The following PREX1 variants were observed in gnomAD, a reference collection of about 807,000 sequenced individuals.
The protein encoded by PREX1 is phosphatidylinositol 3,4,5-trisphosphate-dependent Rac exchanger 1 protein.
A neutral mutation model predicts 198.3 loss-of-function variants in PREX1; 41 were observed. The observed-to-expected ratio is 0.21, with a 90% confidence interval of 0.16 to 0.27. The LOEUF is 0.27. Among genes scored for constraint, PREX1 ranks in the 10% least tolerant of loss-of-function variants. The pLI is 1.00. For missense variants in PREX1, 1,620 were observed against 2,200.7 expected (o/e 0.74, Z 5.28); for synonymous variants, 843 against 887.2 (o/e 0.95, Z 0.89).
rs574061262 is a variant in PREX1, at chr20:48,637,451, C to G, written c.3946+260G>C. On this transcript the variant is annotated intron_variant, in intron 31 of 39. Coordinates refer to ENST00000371941, the MANE Select transcript of PREX1 (RefSeq NM_020820.4). Reference sequence around the variant, plus strand: ...TGAAGGCTCTACCGGCACAAGGCCCCCTAACATCGTCCTCTATCCCGGGGC... The same window carrying G: ...TGAAGGCTCTACCGGCACAAGGCCCGCTAACATCGTCCTCTATCCCGGGGC... 9.8e-5 allele frequency among the ~76,000 whole-genome samples: 15 copies of G among 152,364 alleles called. No homozygotes were observed. In the East Asian group the frequency reaches 2.9e-3, roughly 29 times the overall value.
At chr20:48,634,417 G>T (rs998161658) in intron 33 of PREX1, among the ~76,000 whole-genome samples, 1 of 152,156 alleles carries the variant, frequency 6.6e-6, no homozygotes, top group Non-Finnish European at 1.5e-5. Flanking sequence ...ATTAAGAATT[G>T]GGTACCAGTG....
At chr20:48,840,252 T>C in the PREX1 span, among the ~76,000 whole-genome samples, 1 of 150,688 alleles carries the variant, frequency 6.6e-6, no homozygotes, top group Non-Finnish European at 1.5e-5. Context: ...TGGGCTCAGG[T>C]GATCCTCCTG....
chr20:48,709,175 G>A (rs1020844081), intron 5 of PREX1, among the ~76,000 whole-genome samples: 5 of 152,162 alleles, frequency 3.3e-5, no homozygotes, highest in South Asian at 4.1e-4. Flanking sequence ...GAGATATCAA[G>A]GAAGATTTTT....
chr20:48,738,984 G>C (rs1315334247), intron 3 of PREX1, among the ~76,000 whole-genome samples: 1 of 152,156 alleles, frequency 6.6e-6, no homozygotes, highest in South Asian at 2.1e-4. Context: ...TGTGGGGAGA[G>C]GGGGGTTAAA....
At chr20:48,804,550 C>A (rs2090402427) in intron 1 of PREX1, among the ~76,000 whole-genome samples, 1 of 152,240 alleles carries the variant, frequency 6.6e-6, no homozygotes, top group Non-Finnish European at 1.5e-5. Flanking sequence ...AGACCACAGA[C>A]TACAGGGCGT....
chr20:48,722,741 CCT>C (rs1474515679), intron 5 of PREX1, among the ~76,000 whole-genome samples: 4 of 152,160 alleles, frequency 2.6e-5, no homozygotes, highest in African/African-American at 7.2e-5. Context: ...GCAACTGCCC[CCT>C]GAGACAGGGT....
At chr20:48,649,613 C>T in intron 24 of PREX1, 37 bp from the exon 25 acceptor site, 1 of 1,539,374 alleles carries the variant, frequency 6.5e-7, no homozygotes. Context: ...TGGAAAACAG[C>T]CCCCAGCATC....
intron 14 of PREX1, among the ~76,000 whole-genome samples, chr20:48,675,125 A>C (rs1335501971): frequency 6.6e-6 from 1 of 152,196 alleles, no homozygotes; most frequent in Non-Finnish European, 1.5e-5. Flanking sequence ...TCCCCAATGC[A>C]ACAGTATTGA....
intron 1 of PREX1, among the ~76,000 whole-genome samples, chr20:48,757,168 C>T (rs956277492): frequency 1.2e-4 from 18 of 152,048 alleles, no homozygotes; most frequent in African/African-American, 3.4e-4. Flanking sequence ...AGGCCTTCCC[C>T]GACTGCTCCA....
chr20:48,627,629 C>T lies in PREX1; in HGVS notation c.4870-14G>A, dbSNP rs768313518. 1.2e-6 allele frequency: 2 copies of T among 1,613,240 alleles called. No individual in the cohort carries two copies. Among genetic ancestry groups the T allele is most frequent in the Non-Finnish European group, 1.7e-6 (2 of 1,179,638 alleles). ...CACCCTTGGGCCCTGGAAGAAGGAA[C>T]CATCAGGCAGGGGCCTCTGCAGGTT... On this transcript the variant is annotated splice_polypyrimidine_tract_variant and intron_variant, in intron 38 of 39. Transcript: ENST00000371941.
intron 1 of PREX1, among the ~76,000 whole-genome samples, chr20:48,805,463 C>T (rs1053754639): frequency 6.6e-6 from 1 of 152,226 alleles, no homozygotes; most frequent in Admixed American, 6.5e-5. Flanking sequence ...CCCCCTCCAC[C>T]CTACCTTCTG....
At chr20:48,633,547 C>T (rs2089332549) in intron 33 of PREX1, among the ~76,000 whole-genome samples, 1 of 152,226 alleles carries the variant, frequency 6.6e-6, no homozygotes. Context: ...TCAGAAGCCC[C>T]TGGAGGGCTT....
chr20:48,851,333 C>A, the PREX1 span, among the ~76,000 whole-genome samples: 1 of 152,008 alleles, frequency 6.6e-6, no homozygotes, highest in Admixed American at 6.6e-5. Context: ...ATGGTGAAAC[C>A]CCATCTCTAC....
intron 1 of PREX1, among the ~76,000 whole-genome samples, chr20:48,783,809 C>A (rs2090300589): frequency 6.6e-6 from 1 of 152,138 alleles, no homozygotes; most frequent in Non-Finnish European, 1.5e-5. Flanking sequence ...ACCCAAGTAC[C>A]CCAAGGAAGA....
chr20:48,654,091 C>T (rs1187857921), intron 19 of PREX1, among the ~76,000 whole-genome samples: 1 of 152,220 alleles, frequency 6.6e-6, no homozygotes, highest in Non-Finnish European at 1.5e-5. Flanking sequence ...CCCCTGGGGA[C>T]TTGCATGGCT....
chr20:48,789,845 A>T (rs534722647), intron 1 of PREX1, among the ~76,000 whole-genome samples: 4 of 152,014 alleles, frequency 2.6e-5, no homozygotes, highest in African/African-American at 7.2e-5. Flanking sequence ...TGACAAATGG[A>T]TGGACAGATG....
At chr20:48,658,655 G>A (rs961358355) in intron 16 of PREX1, among the ~76,000 whole-genome samples, 2 of 152,262 alleles carry the variant, frequency 1.3e-5, no homozygotes, top group African/African-American at 4.8e-5. Flanking sequence ...ACACCATCTA[G>A]AACAAGACAA....
intron 11 of PREX1, among the ~76,000 whole-genome samples, chr20:48,680,846 C>G (rs374189992): frequency 5.1e-4 from 77 of 152,160 alleles, no homozygotes; most frequent in African/African-American, 1.8e-3. Flanking sequence ...AAGATCTTAT[C>G]GTCCCCTCCA....
At chr20:48,692,368 T>C in intron 8 of PREX1, 1 of 272,920 alleles carries the variant, frequency 3.7e-6, no homozygotes, top group South Asian at 6.4e-5. Flanking sequence ...TAGTCATAAA[T>C]GCTTAGGAGG....
Sources: gnomAD v4.1 joint callset for allele counts (sites outside exome capture counted in the v4.1 genomes callset) on GRCh38, gnomAD v4.1.1 for gene constraint, MANE v1.5 for transcripts, NCBI Gene and HGNC (gene_info 2026-07-23, HGNC 2026-07-21) for gene names.